Variants in SLC25A21 observed in about 807,000 individuals in gnomAD.
SLC25A21 encodes solute carrier family 25 member 21, also known as mitochondrial 2-oxodicarboxylate carrier.
In SLC25A21, 47 loss-of-function variants were observed where a neutral mutation model predicts 43.8. That is an observed-to-expected ratio of 1.07 (90% CI 0.85 to 1.37). The LOEUF (loss-of-function observed/expected upper bound fraction) is 1.37. Ranked by LOEUF, SLC25A21 falls within the 40% of genes most tolerant of loss-of-function variation. The probability of loss-of-function intolerance (pLI) is 0.00; values close to 1 mark genes in which losing one functional copy is unlikely to be tolerated. For missense variants in SLC25A21, 352 were observed against 350.2 expected (o/e 1.00, Z -0.04); for synonymous variants, 131 against 121.3 (o/e 1.08, Z -0.52).
At chr14:36,834,433 T>C (rs1005922739) in intron 2 of SLC25A21, among the ~76,000 whole-genome samples, 2 of 152,348 alleles carry the variant, frequency 1.3e-5, no homozygotes, top group Non-Finnish European at 2.9e-5. Context: ...TTTAAGCCTT[T>C]CTGTTTCTTT....
rs576616585 is a variant in SLC25A21, at chr14:37,094,636, T to C, written c.70+77645A>G. On this transcript the variant is annotated intron_variant, in intron 1 of 9. Coordinates refer to ENST00000331299, the MANE Select transcript of SLC25A21 (RefSeq NM_030631.4). ...TATATATATATACAAATACACACAATCACATGCAAACATGCAGACTTATAC... is the reference window on the plus strand; with the variant it reads ...TATATATATATACAAATACACACAACCACATGCAAACATGCAGACTTATAC... Among the ~76,000 whole-genome samples, 6 of 151,296 alleles carry C rather than the reference T, an allele frequency of 4.0e-5. No homozygotes were observed. In the South Asian group the frequency reaches 1.3e-3, roughly 32 times the overall value.
At chr14:37,163,369 G>C (rs916620168) in intron 1 of SLC25A21, among the ~76,000 whole-genome samples, 3 of 151,720 alleles carry the variant, frequency 2.0e-5, no homozygotes, top group African/African-American at 7.3e-5. Flanking sequence ...CATTTTTCTG[G>C]TAACCCCAGC....
chr14:36,891,639 T>C (rs1891075397), intron 1 of SLC25A21, among the ~76,000 whole-genome samples: 1 of 151,980 alleles, frequency 6.6e-6, no homozygotes, highest in Non-Finnish European at 1.5e-5. Flanking sequence ...CTATTCCCTC[T>C]TTTTTTTCAT....
rs116090757 is a variant in SLC25A21, at chr14:37,071,398, G to C, written c.70+100883C>G. On this transcript the variant is annotated intron_variant, in intron 1 of 9. Transcript: ENST00000331299. ...CTCTTTTTTATGCAAACTCAATGAAGACATTCCTTTTCAATGAGTTTATAG... is the reference window on the plus strand; with the variant it reads ...CTCTTTTTTATGCAAACTCAATGAACACATTCCTTTTCAATGAGTTTATAG... Among the ~76,000 whole-genome samples, 1,278 of 152,186 alleles carry C rather than the reference G, an allele frequency of 8.4e-3. 21 individuals are homozygous for C. Among genetic ancestry groups the C allele is most frequent in the African/African-American group, 0.029 (1,210 of 41,514 alleles).
intron 2 of SLC25A21, among the ~76,000 whole-genome samples, chr14:36,858,118 A>G (rs1889956025): frequency 6.6e-6 from 1 of 152,136 alleles, no homozygotes; most frequent in Admixed American, 6.5e-5. Context: ...AATGAGATGG[A>G]AAAAACACCC....
At chr14:36,684,697 A>G in intron 8 of SLC25A21, 47 bp downstream of exon 8, 1 of 1,534,106 alleles carries the variant, frequency 6.5e-7, no homozygotes, top group South Asian at 1.3e-5. Flanking sequence ...GGTTCTAACA[A>G]TACGTGAGCC....
At chr14:37,168,561 A>G (rs752717910) in intron 1 of SLC25A21, among the ~76,000 whole-genome samples, 1 of 150,676 alleles carries the variant, frequency 6.6e-6, no homozygotes, top group East Asian at 2.0e-4. Flanking sequence ...CTGCATAGGG[A>G]TTAGCTACAG....
At chr14:37,048,837 T>C (rs1961644646) in intron 1 of SLC25A21, among the ~76,000 whole-genome samples, 1 of 152,340 alleles carries the variant, frequency 6.6e-6, no homozygotes, top group African/African-American at 2.4e-5. Context: ...ATTTAGCCAC[T>C]GAGACCAATA....
intron 1 of SLC25A21, among the ~76,000 whole-genome samples, chr14:37,038,951 G>C (rs1467484): frequency 0.47 from 70,946 of 151,592 alleles, 18,943 homozygotes; most frequent in African/African-American, 0.75. Flanking sequence ...TAGACAAAGG[G>C]ATGCCCTTCC....
At chr14:37,136,347 T>A (rs1963479017) in intron 1 of SLC25A21, among the ~76,000 whole-genome samples, 1 of 152,180 alleles carries the variant, frequency 6.6e-6, no homozygotes, top group Non-Finnish European at 1.5e-5. Flanking sequence ...TGCCTAAGTA[T>A]GATTATGCAC....
chr14:36,930,827 C>T (rs910089821), intron 1 of SLC25A21, among the ~76,000 whole-genome samples: 1 of 152,154 alleles, frequency 6.6e-6, no homozygotes, highest in African/African-American at 2.4e-5. Context: ...CTCCTCCCCA[C>T]ATATCCACCT....
chr14:36,797,499 A>G (rs1887715562), intron 3 of SLC25A21, among the ~76,000 whole-genome samples: 1 of 152,258 alleles, frequency 6.6e-6, no homozygotes, highest in South Asian at 2.1e-4. Flanking sequence ...CTTACATGTA[A>G]GCTACATGAA....
At chr14:36,950,101 G>A (rs1447446074) in intron 1 of SLC25A21, among the ~76,000 whole-genome samples, 2 of 152,128 alleles carry the variant, frequency 1.3e-5, no homozygotes, top group Non-Finnish European at 2.9e-5. Context: ...TAGGAGACTA[G>A]TATTCCATAG....
intron 2 of SLC25A21, among the ~76,000 whole-genome samples, chr14:36,835,361 C>T (rs1021398557): frequency 1.3e-5 from 2 of 152,136 alleles, no homozygotes; most frequent in African/African-American, 4.8e-5. Context: ...TAATGTGAGC[C>T]AGCAAGTGAC....
In SLC25A21 at chr14:36,697,863, A is replaced by T. The variant is rs552897327; in HGVS notation, c.604-12938T>A. 1.9e-4 allele frequency among the ~76,000 whole-genome samples: 29 copies of T among 151,446 alleles called. No homozygotes were observed. The East Asian group carries it at 5.7e-3, about 30-fold the overall frequency. ...GCACACTGATGGATCTTGACTCTTT[A>T]TCCAATTTGCCAGTCTGTGTCTTTT... On this transcript the variant is annotated intron_variant, in intron 7 of 9. Coordinates refer to ENST00000331299, the MANE Select transcript of SLC25A21 (RefSeq NM_030631.4).
intron 1 of SLC25A21, among the ~76,000 whole-genome samples, chr14:37,006,599 A>G (rs1960609577): frequency 6.6e-6 from 1 of 152,096 alleles, no homozygotes; most frequent in Admixed American, 6.6e-5. Context: ...TAAAAATTTC[A>G]TACTGCCCGA....
At chr14:36,798,140 T>A in intron 3 of SLC25A21, among the ~76,000 whole-genome samples, 1 of 152,186 alleles carries the variant, frequency 6.6e-6, no homozygotes, top group East Asian at 1.9e-4. Flanking sequence ...GTCCTCTTAG[T>A]GGAATGCTGT....
At chr14:36,890,696 A>G (rs1328979120) in intron 1 of SLC25A21, among the ~76,000 whole-genome samples, 1 of 152,214 alleles carries the variant, frequency 6.6e-6, no homozygotes, top group Non-Finnish European at 1.5e-5. Flanking sequence ...TTTATAATTG[A>G]GTAATATCAA....
chr14:36,979,758 A>C (rs898705893), intron 1 of SLC25A21, among the ~76,000 whole-genome samples: 1 of 152,194 alleles, frequency 6.6e-6, no homozygotes, highest in Non-Finnish European at 1.5e-5. Context: ...GGACCCTGAA[A>C]ACCCACCTTT....
Sources: gnomAD v4.1 joint callset for allele counts (sites outside exome capture counted in the v4.1 genomes callset) on GRCh38, gnomAD v4.1.1 for gene constraint, MANE v1.5 for transcripts, NCBI Gene and HGNC (gene_info 2026-07-23, HGNC 2026-07-21) for gene names.